RARB: variants seen among roughly 807,000 people sequenced by gnomAD.
The protein encoded by RARB is retinoic acid receptor beta, also known as HBV-activated protein.
In RARB, 17 loss-of-function variants were observed where a neutral mutation model predicts 51.9. The ratio of observed to expected loss-of-function variants is 0.33; its 90% confidence interval spans 0.22 to 0.49. RARB has a LOEUF of 0.49. Among genes scored for constraint, RARB ranks in the 20% least tolerant of loss-of-function variants. The pLI, the probability that RARB is intolerant of heterozygous loss-of-function variation, is 0.99. For synonymous variants in RARB, 215 were observed against 195.4 expected (o/e 1.10, Z -0.84); for missense variants, 369 against 550.8 (o/e 0.67, Z 3.30).
intron 5 of RARB, among the ~76,000 whole-genome samples, chr3:25,300,847 A>G (rs1704021625): frequency 6.6e-6 from 1 of 152,088 alleles, no homozygotes; most frequent in Non-Finnish European, 1.5e-5. Flanking sequence ...TAAAAAAAAA[A>G]TTAGCTGGGC....
intron 2 of RARB, among the ~76,000 whole-genome samples, chr3:24,912,972 A>ATTTTTTTTTTTTTT (rs71622787): frequency 4.9e-4 from 28 of 57,652 alleles, no homozygotes; most frequent in East Asian, 9.9e-4. Flanking sequence ...CAAGGTACTG[A>ATTTTTTTTTTTTTT]TTCTTTTTTT....
intron 2 of RARB, among the ~76,000 whole-genome samples, chr3:24,962,151 G>A (rs1045162116): frequency 6.6e-6 from 1 of 151,616 alleles, no homozygotes; most frequent in African/African-American, 2.4e-5. Flanking sequence ...GGATAGTCTC[G>A]ATCTCCTGAC....
Position 25,473,371 on chromosome 3 carries a change from C to A in RARB, c.306+12030C>A, listed in dbSNP as rs144292893. 2.3e-4 allele frequency among the ~76,000 whole-genome samples: 35 copies of A among 151,812 alleles called. 1 individual carries two copies. The highest frequency in any genetic ancestry group is 3.4e-3 in the Middle Eastern group (1 of 292). ...TCTGCCTGTACAAAGCTAGCATTGT[C>A]TGGGGTGAAGGGGAAAAGCTGGGGT... is the stretch of plus-strand genomic sequence containing the variant. On this transcript the variant is annotated intron_variant, in intron 2 of 7. Transcript: ENST00000330688.
At chr3:25,141,437 G>C (rs1385627699) in intron 4 of RARB, among the ~76,000 whole-genome samples, 2 of 151,712 alleles carry the variant, frequency 1.3e-5, no homozygotes, top group African/African-American at 4.9e-5. Context: ...TACCACTTTA[G>C]GTGGCCACTG....
At chr3:25,177,743 T>C (rs1700783863) in intron 5 of RARB, among the ~76,000 whole-genome samples, 2 of 152,226 alleles carry the variant, frequency 1.3e-5, no homozygotes, top group Admixed American at 6.5e-5. Context: ...ATTGAACTTC[T>C]CTAAGCCTAC....
intron 2 of RARB, among the ~76,000 whole-genome samples, chr3:24,985,108 A>G (rs193088156): frequency 1.3e-5 from 2 of 152,326 alleles, no homozygotes; most frequent in Non-Finnish European, 2.9e-5. Flanking sequence ...TTAATGACCA[A>G]TACAGCTAGC....
At chr3:25,412,994 G>A (rs1707606006) in intron 5 of RARB, among the ~76,000 whole-genome samples, 1 of 151,598 alleles carries the variant, frequency 6.6e-6, no homozygotes, top group South Asian at 2.1e-4. Flanking sequence ...ACTCCAGCCT[G>A]GGCAACAAGA....
At chr3:25,062,629 G>A (rs1044603532) in intron 3 of RARB, among the ~76,000 whole-genome samples, 5 of 151,866 alleles carry the variant, frequency 3.3e-5, no homozygotes, top group African/African-American at 7.2e-5. Flanking sequence ...TAAACCTTGA[G>A]AACACTATGC....
intron 5 of RARB, among the ~76,000 whole-genome samples, chr3:25,249,556 G>T (rs1702652290): frequency 6.6e-6 from 1 of 150,988 alleles, no homozygotes; most frequent in Admixed American, 6.6e-5. Context: ...TATAATAGTT[G>T]CTTCTTTCAA....
At chr3:25,256,851 AC>A (rs34723974) in intron 5 of RARB, among the ~76,000 whole-genome samples, 15,536 of 151,318 alleles carry the variant, frequency 0.1, 983 homozygotes, top group South Asian at 0.25. Flanking sequence ...AAGAGGTGGC[AC>A]AGCATATTTT....
chr3:25,480,337 A>C (rs185373108), intron 2 of RARB, among the ~76,000 whole-genome samples: 1 of 152,318 alleles, frequency 6.6e-6, no homozygotes, highest in Non-Finnish European at 1.5e-5. Context: ...TTTAATCCTC[A>C]TAACAGCTCT....
intron 5 of RARB, among the ~76,000 whole-genome samples, chr3:25,242,248 T>G (rs1250593220): frequency 1.3e-5 from 2 of 152,230 alleles, no homozygotes; most frequent in African/African-American, 4.8e-5. Flanking sequence ...TCTCCCATTC[T>G]GTAGGTTGCC....
chr3:24,877,713 C>T (rs944268165), intron 2 of RARB, among the ~76,000 whole-genome samples: 40 of 152,074 alleles, frequency 2.6e-4, no homozygotes, highest in Non-Finnish European at 4.6e-4. Flanking sequence ...GCATACCTCT[C>T]AGAAGGGAGA....
chr3:25,108,511 G>A lies in RARB; in HGVS notation c.-327-23650G>A, dbSNP rs559760702. On this transcript the variant is annotated intron_variant, in intron 3 of 11. Transcript: ENST00000383772. Reference sequence around the variant, plus strand: ...GATAAATAACGGTGGGAGGTTTTATGGACCAGATCAGGAAGTGCCATACAT... The same window carrying A: ...GATAAATAACGGTGGGAGGTTTTATAGACCAGATCAGGAAGTGCCATACAT... Among the ~76,000 whole-genome samples, 10 of 152,198 alleles carry A rather than the reference G, an allele frequency of 6.6e-5. No individual in the cohort carries two copies. The South Asian group carries it at 2.1e-3, about 32-fold the overall frequency.
chr3:25,401,275 A>G (rs948768420), intron 5 of RARB, among the ~76,000 whole-genome samples: 3 of 152,156 alleles, frequency 2.0e-5, no homozygotes, highest in African/African-American at 4.8e-5. Flanking sequence ...CCTTGATTCA[A>G]TCGAGATTAT....
chr3:25,451,617 T>A lies in RARB; in HGVS notation c.158-9576T>A, dbSNP rs147729254. Among the ~76,000 whole-genome samples the A allele has an allele frequency of 6.9e-3, 1,058 of 152,348 alleles. 7 individuals carry two copies. The highest frequency in any genetic ancestry group is 0.011 in the Non-Finnish European group (756 of 68,032). Reference sequence around the variant, plus strand: ...AGAGGGTTTTGGCTAAATTCTAGTGTAATCAATCATACTTGAACTTCCTTA... The same window carrying A: ...AGAGGGTTTTGGCTAAATTCTAGTGAAATCAATCATACTTGAACTTCCTTA... On this transcript the variant is annotated intron_variant, in intron 1 of 7. Coordinates refer to ENST00000330688, the MANE Select transcript of RARB (RefSeq NM_000965.5).
chr3:25,253,814 T>A (rs1426501461), intron 5 of RARB, among the ~76,000 whole-genome samples: 1 of 152,156 alleles, frequency 6.6e-6, no homozygotes, highest in Non-Finnish European at 1.5e-5. Context: ...TTCTTTTCCA[T>A]CGAGCCCTAG....
intron 1 of RARB, among the ~76,000 whole-genome samples, chr3:25,434,529 C>CTTTTTTTTTTTT (rs140015265): frequency 4.1e-5 from 5 of 123,034 alleles, no homozygotes; most frequent in African/African-American, 3.2e-5. Context: ...CTTGGTACTC[C>CTTTTTTTTTTTT]TTTTTTTTTT....
intron 2 of RARB, among the ~76,000 whole-genome samples, chr3:25,000,346 A>G (rs1354091944): frequency 6.6e-6 from 1 of 152,162 alleles, no homozygotes; most frequent in African/African-American, 2.4e-5. Flanking sequence ...AGGTCAAGTA[A>G]TACCATGACC....
Sources: gnomAD v4.1 joint callset for allele counts (sites outside exome capture counted in the v4.1 genomes callset) on GRCh38, gnomAD v4.1.1 for gene constraint, MANE v1.5 for transcripts, NCBI Gene and HGNC (gene_info 2026-07-23, HGNC 2026-07-21) for gene names.